Variants in ATP10A observed in about 807,000 individuals in gnomAD.
ATP10A encodes the protein ATPase phospholipid transporting 10A (putative), also known as phospholipid-transporting ATPase VA.
Under a neutral mutation model 147.8 loss-of-function variants are expected in ATP10A, and 111 were observed. That is an observed-to-expected ratio of 0.75 (90% CI 0.64 to 0.88). ATP10A has a LOEUF of 0.88. Ranked by LOEUF, ATP10A falls within the 40% of genes least tolerant of loss-of-function variation. The pLI is 0.00. For synonymous variants in ATP10A, 875 were observed against 841.6 expected, an observed-to-expected ratio of 1.04 and a Z score of -0.69; for missense variants, 1,927 against 1,959.0, an observed-to-expected ratio of 0.98 and a Z score of 0.31.
chr15:25,802,902 G>A (rs1891003897), intron 1 of ATP10A, among the ~76,000 whole-genome samples: 1 of 152,182 alleles, frequency 6.6e-6, no homozygotes, highest in Non-Finnish European at 1.5e-5. Flanking sequence ...GTACACATCT[G>A]TGGGGGTCAT....
chr15:25,690,258 A>G (rs533750416), intron 15 of ATP10A, among the ~76,000 whole-genome samples: 1,637 of 147,830 alleles, frequency 0.011, 25 homozygotes, highest in African/African-American at 0.038. Context: ...AAAAAAAAAA[A>G]AGAGAGACTG....
intron 15 of ATP10A, among the ~76,000 whole-genome samples, chr15:25,690,244 A>T (rs200988233): frequency 0.063 from 9,458 of 149,930 alleles, 368 homozygotes; most frequent in East Asian, 0.12. Flanking sequence ...TTTTTTTAAA[A>T]AAAAAAAAAA....
At chr15:25,766,193 A>G (rs973051220) in intron 2 of ATP10A, among the ~76,000 whole-genome samples, 1 of 152,100 alleles carries the variant, frequency 6.6e-6, no homozygotes, top group Admixed American at 6.5e-5. Flanking sequence ...CACAAGAAAG[A>G]CCAGACTCCA....
rs1341224328 is a variant in ATP10A at position 25,679,741 on chromosome 15, C to T, written c.4100G>A (p.Ser1367Asn). ...TQQPVCSLEA[S>N]GEPSTVDMSM... ...CATGTCCACTGTGCTGGGCTCCCCG[C>T]TGGCCTCCAGGGAGCAGACCGGCTG... is the stretch of plus-strand genomic sequence containing the variant. The change falls in exon 21 of 21, where the codon AGC (serine) becomes AAC (asparagine). Residue 1367 changes from serine (S) to asparagine (N), a missense_variant. Physicochemically the swap from Ser to Asn is conservative, Grantham distance 46. Transcript: ENST00000555815. The T allele has an allele frequency of 2.5e-6, 4 of 1,613,314 alleles. No homozygotes were observed. The highest frequency in any genetic ancestry group is 3.4e-6 in the Non-Finnish European group (4 of 1,180,010).
intron 6 of ATP10A, among the ~76,000 whole-genome samples, chr15:25,723,645 G>T (rs1484046220): frequency 6.6e-6 from 1 of 151,788 alleles, no homozygotes; most frequent in East Asian, 1.9e-4. Context: ...TGAAAACAGT[G>T]ACCCAAACCA....
Position 25,688,293 on chromosome 15 carries a change from T to G in ATP10A, c.3166-465A>C, listed in dbSNP as rs571422819. Among the ~76,000 whole-genome samples the G allele has an allele frequency of 1.4e-4, 21 of 152,294 alleles. 1 individual carries two copies. Among genetic ancestry groups the G allele is most frequent in the Admixed American group, 7.8e-4 (12 of 15,300 alleles). On this transcript the variant is annotated intron_variant, in intron 15 of 20. Transcript: ENST00000555815. ...TTCCCCTGTCCTGGGAGGTGCATTTTGGGCTGTTCCCCCCAGAAGCCTTGG... is the reference window on the plus strand; with the variant it reads ...TTCCCCTGTCCTGGGAGGTGCATTTGGGGCTGTTCCCCCCAGAAGCCTTGG...
intron 15 of ATP10A, among the ~76,000 whole-genome samples, chr15:25,690,648 A>G (rs899225710): frequency 1.3e-5 from 2 of 152,220 alleles, no homozygotes; most frequent in Non-Finnish European, 2.9e-5. Context: ...AAATGTCCCC[A>G]TATAAGTGGA....
chr15:25,813,103 G>T (rs1188229671), intron 1 of ATP10A, among the ~76,000 whole-genome samples: 1 of 152,148 alleles, frequency 6.6e-6, no homozygotes, highest in Non-Finnish European at 1.5e-5. Context: ...TGTCTCTGGA[G>T]GGTACCCTTG....
Position 25,679,950 on chromosome 15 carries a change from C to T in ATP10A, c.3891G>A (p.Gly1297=), listed in dbSNP as rs1001993989. Residue 1297 remains glycine (G), a synonymous_variant, in exon 21 of 21, where the codon GGG becomes GGA. Transcript: ENST00000555815. Reference sequence around the variant, plus strand: ...GCTGAAGTTGTGTGGGGAAAACCCTCCCCTGGAGGGATCTGAAAAACAATC... The same window carrying T: ...GCTGAAGTTGTGTGGGGAAAACCCTTCCCTGGAGGGATCTGAAAAACAATC... ...LPRLFFRSLQ[G]RVFPTQLQLA... The T allele has an allele frequency of 3.8e-6, 6 of 1,597,158 alleles. No individual in the cohort carries two copies. The Admixed American group carries it at 1.0e-4, about 27-fold the overall frequency.
chr15:25,689,943 C>G (rs1229731721), intron 15 of ATP10A, among the ~76,000 whole-genome samples: 1 of 152,252 alleles, frequency 6.6e-6, no homozygotes, highest in African/African-American at 2.4e-5. Flanking sequence ...TCAATAGGCA[C>G]TGCCCCCATC....
At chr15:25,752,587 C>T (rs1596817044) in intron 2 of ATP10A, among the ~76,000 whole-genome samples, 1 of 152,204 alleles carries the variant, frequency 6.6e-6, no homozygotes, top group East Asian at 1.9e-4. Context: ...ATTTTGGAGT[C>T]AAGATATGTG....
At chr15:25,769,219 G>T (rs1048973493) in intron 2 of ATP10A, among the ~76,000 whole-genome samples, 68 of 152,086 alleles carry the variant, frequency 4.5e-4, no homozygotes, top group African/African-American at 1.5e-3. Context: ...GGGCATGGTG[G>T]CTTACACCTG....
intron 1 of ATP10A, among the ~76,000 whole-genome samples, chr15:25,783,593 A>G (rs1890029274): frequency 6.6e-6 from 1 of 152,086 alleles, no homozygotes; most frequent in Non-Finnish European, 1.5e-5. Flanking sequence ...CCTCTAATTC[A>G]AGATCCACCA....
At chr15:25,736,646 C>G (rs2140492365) in intron 2 of ATP10A, among the ~76,000 whole-genome samples, 1 of 152,012 alleles carries the variant, frequency 6.6e-6, no homozygotes. Context: ...TAGTATTCTG[C>G]TCAATTAAAA....
chr15:25,836,988 T>C (rs1485682959), intron 1 of ATP10A, among the ~76,000 whole-genome samples: 1 of 152,218 alleles, frequency 6.6e-6, no homozygotes, highest in Admixed American at 6.5e-5. Context: ...CAAAACATTA[T>C]ATTTTGATAT....
At chr15:25,680,348 TA>T in intron 19 of ATP10A, 40 bp from the exon 20 acceptor site, 1 of 1,586,186 alleles carries the variant, frequency 6.3e-7, no homozygotes, top group Non-Finnish European at 8.6e-7. Flanking sequence ...TATTTCCACC[TA>T]AAAGTGACAA....
downstream of ATP10A, among the ~76,000 whole-genome samples, chr15:25,676,577 T>C (rs193156555): frequency 1.3e-5 from 2 of 152,338 alleles, no homozygotes; most frequent in African/African-American, 4.8e-5. Flanking sequence ...ATTTGTCTAT[T>C]TCTCCTTTTT....
intron 2 of ATP10A, among the ~76,000 whole-genome samples, chr15:25,754,369 C>T (rs748431832): frequency 5.3e-5 from 8 of 152,096 alleles, no homozygotes; most frequent in East Asian, 1.9e-4. Flanking sequence ...TTCTTGACCT[C>T]GTGATCTGCC....
chr15:25,688,456 G>C (rs867029675), intron 15 of ATP10A, among the ~76,000 whole-genome samples: 5 of 152,176 alleles, frequency 3.3e-5, no homozygotes, highest in African/African-American at 1.2e-4. Flanking sequence ...GCCTGCCATG[G>C]AAGCTTCCCC....
Sources: allele counts gnomAD v4.1 joint callset (sites outside exome capture counted in the v4.1 genomes callset), GRCh38; gene constraint gnomAD v4.1.1; transcripts MANE v1.5; gene names NCBI Gene and HGNC (gene_info 2026-07-23, HGNC 2026-07-21).